CHRD: variants seen among roughly 807,000 people sequenced by gnomAD.
CHRD encodes the protein chordin.
Under a neutral mutation model 113.7 loss-of-function variants are expected in CHRD, and 69 were observed. The ratio of observed to expected loss-of-function variants is 0.61; its 90% CI spans 0.50 to 0.74. The LOEUF (loss-of-function observed/expected upper bound fraction) is 0.74, where lower values mean the gene tolerates loss of function less well. Ranked by LOEUF, CHRD falls within the 30% of genes least tolerant of loss-of-function variation. The probability of loss-of-function intolerance (pLI) is 0.00; values close to 1 mark genes in which losing one functional copy is unlikely to be tolerated. For missense variants in CHRD, 1,194 were observed against 1,295.8 expected, an observed-to-expected ratio of 0.92 and a Z score of 1.21; for synonymous variants, 561 against 540.8, an observed-to-expected ratio of 1.04 and a Z score of -0.52.
In CHRD at chr3:184,382,848, C is replaced by G; in HGVS notation, c.983-8C>G. The G allele has an allele frequency of 6.2e-7, 1 of 1,612,580 alleles. No homozygotes were observed. The highest frequency in any genetic ancestry group is 8.5e-7 in the Non-Finnish European group (1 of 1,178,982). ...GTCTCAGAAAGGCCCACATGTGCGG[C>G]CTTGCAGGACTAACCCAGGTTCCCT... On this transcript the variant is annotated splice_polypyrimidine_tract_variant and splice_region_variant and intron_variant, in intron 8 of 22. Transcript: ENST00000204604.
In CHRD at chr3:184,388,528, A is replaced by G; in HGVS notation, c.2555-59A>G. ...GCAACGTGCTGGGTATTCAAAGAGA[A>G]TACTCATAAAACCTTGTTGGTCCTC... On this transcript the variant is annotated intron_variant, in intron 20 of 22. Coordinates refer to ENST00000204604, the Ensembl canonical transcript of CHRD. This position sits in a 1 kb window ranked among gnomAD's most constrained non-coding sequence, Gnocchi z 6.1. 1.3e-6 allele frequency: 2 copies of G among 1,547,542 alleles called. No individual in the cohort carries two copies. The highest frequency in any genetic ancestry group is 1.7e-6 in the Non-Finnish European group (2 of 1,152,216).
chr3:184,388,635 G>T lies in CHRD; in HGVS notation c.2603G>T (p.Gly868Val). The T allele has an allele frequency of 1.2e-6, 2 of 1,613,394 alleles. No individual in the cohort carries two copies. The highest frequency in any genetic ancestry group is 1.7e-6 in the Non-Finnish European group (2 of 1,180,024). ...CTGGGGGACCCCATGCAGGCTGATG[G>T]GCCCCGGGGCTGCCGTTTTGCTGGG... The change falls in exon 21 of 23, where the codon GGG becomes GTG. Residue 868 changes from glycine (G) to valine (V), a missense_variant. Physicochemically the swap from Gly to Val is moderately radical, Grantham distance 109 (BLOSUM62 -3). Transcript: ENST00000204604. This position sits in a 1 kb window ranked among gnomAD's most constrained non-coding sequence, Gnocchi z 6.1.
chr3:184,386,681 G>T lies in CHRD; in HGVS notation c.2122G>T (p.Glu708Ter). ...CCGAGACCCCAACACATGCTTCTTC[G>T]AGGGGCAGCAGCGCCCCCACGGGGC... The change falls in exon 16 of 23, where the codon GAG becomes TAG. Residue 708 changes from glutamate (E) to a stop codon, truncating the protein, a stop_gained. Coordinates refer to ENST00000204604, the Ensembl canonical transcript of CHRD. LOFTEE classifies it high-confidence loss of function. 2 of 1,612,448 alleles carry T rather than the reference G, an allele frequency of 1.2e-6. No individual in the cohort carries two copies. Among genetic ancestry groups the T allele is most frequent in the Non-Finnish European group, 1.7e-6 (2 of 1,179,796 alleles).
chr3:184,382,821 C>T (rs1021021122), intron 8 of CHRD, 35 bp from the exon 9 acceptor site: 1 of 1,612,490 alleles, frequency 6.2e-7, no homozygotes, highest in Middle Eastern at 1.7e-4. Context: ...GGGAGAGCAC[C>T]TGTCTCAGAA....
At position 184,387,456 on chromosome 3, in the gene CHRD, G is replaced by A. The variant is rs1716510614; in HGVS notation, c.2430G>A (p.Lys810=). ...TTGTGCCCCCCTTTGGCTTAATTAA[G>A]TGTGCTGTCTGCACCTGCAAGGTAT... Residue 810 remains lysine (K), a synonymous_variant, in exon 19 of 23, where the codon AAG becomes AAA. Coordinates refer to ENST00000204604, the Ensembl canonical transcript of CHRD. This position sits in a 1 kb window ranked among gnomAD's most constrained non-coding sequence, Gnocchi z 6.1. 1 of 1,611,960 alleles carries A rather than the reference G, an allele frequency of 6.2e-7. No individual in the cohort carries two copies. Among genetic ancestry groups the A allele is most frequent in the Admixed American group, 1.7e-5 (1 of 59,664 alleles).
chr3:184,389,580 C>T, exon 23 of CHRD: 1 of 656,124 alleles, frequency 1.5e-6, no homozygotes, highest in South Asian at 1.9e-5. Context: ...AACCACAGCT[C>T]CACAAGGGGG....
In CHRD at chr3:184,384,609, G is replaced by T; in HGVS notation, c.1513G>T (p.Val505Leu). Reference sequence around the variant, plus strand: ...GCTGCAGAATGAGCTCTTCCTGAACGTGGGCACCAAGGACTTCCCAGACGG... The same window carrying T: ...GCTGCAGAATGAGCTCTTCCTGAACTTGGGCACCAAGGACTTCCCAGACGG... Residue 505 changes from valine to leucine, a missense_variant, in exon 13 of 23, where the codon GTG becomes TTG. Val to Leu is a conservative substitution (Grantham distance 32). Coordinates refer to ENST00000204604, the Ensembl canonical transcript of CHRD. This position sits in a 1 kb window ranked among gnomAD's most constrained non-coding sequence, Gnocchi z 4.4. The T allele has an allele frequency of 6.2e-7, 1 of 1,609,738 alleles. No homozygotes were observed.
chr3:184,390,596 C>G (rs966934657), downstream of CHRD: 1 of 152,064 alleles, frequency 6.6e-6, no homozygotes, highest in Non-Finnish European at 1.5e-5. Context: ...TGCCCTGTTA[C>G]CCTCTTCTCT....
Position 184,388,951 on chromosome 3 carries a change from G to A in CHRD, c.2768G>A (p.Gly923Glu), listed in dbSNP as rs753420285. 6.2e-7 allele frequency: 1 copy of A among 1,612,918 alleles called. No homozygotes were observed. The highest frequency in any genetic ancestry group is 1.7e-5 in the Admixed American group (1 of 60,020). Reference sequence around the variant, plus strand: ...TCACTGCCACTGTCCTGTGGCTCGGGGAAGGAGAGTCGATGCTGTTCCCGC... The same window carrying A: ...TCACTGCCACTGTCCTGTGGCTCGGAGAAGGAGAGTCGATGCTGTTCCCGC... The change falls in exon 22 of 23, where the codon GGG becomes GAG. Residue 923 changes from glycine to glutamate, a missense_variant. Gly to Glu is a moderately conservative substitution (Grantham distance 98). Coordinates refer to ENST00000204604, the Ensembl canonical transcript of CHRD. The surrounding 1 kb of genome is among the most constrained non-coding windows in gnomAD (Gnocchi z 6.1).
chr3:184,390,217 C>T (rs1357880780), downstream of CHRD: 1 of 105,734 alleles, frequency 9.5e-6, no homozygotes, highest in Non-Finnish European at 1.9e-5. Context: ...CCCTCCCCTC[C>T]CCTCCCCTCC....
exon 11 of CHRD, chr3:184,383,393 T>C: frequency 6.2e-7 from 1 of 1,613,886 alleles, no homozygotes; most frequent in Non-Finnish European, 8.5e-7. Context: ...CTCACGCTGC[T>C]AGGAAATGGC....
Position 184,388,697 on chromosome 3 carries a change from G to T in CHRD, c.2665G>T (p.Val889Leu). Residue 889 changes from valine (V) to leucine (L), a missense_variant, in exon 21 of 23, where the codon GTG becomes TTG. Physicochemically the swap from Val to Leu is conservative, Grantham distance 32 (BLOSUM62 1). Coordinates refer to ENST00000204604, the Ensembl canonical transcript of CHRD. The surrounding 1 kb of genome is among the most constrained non-coding windows in gnomAD (Gnocchi z 6.1). ...AGAGAGTCAGAGCTGGCACCCCTCA[G>T]TGCCCCCTTTTGGAGAGATGAGCTG... 1 of 1,614,054 alleles carries T rather than the reference G, an allele frequency of 6.2e-7. No individual in the cohort carries two copies. Among genetic ancestry groups the T allele is most frequent in the Non-Finnish European group, 8.5e-7 (1 of 1,180,030 alleles).
chr3:184,380,731 C>G lies in CHRD; in HGVS notation c.188C>G (p.Thr63Arg), dbSNP rs769465205. ...GGGAAGGTCTATGCCTTGGACGAGA[C>G]GTGGCACCCGGACCTAGGGGAGCCA... Residue 63 changes from threonine to arginine, a missense_variant, in exon 2 of 23, where the codon ACG becomes AGG. Physicochemically the swap from Thr to Arg is moderately conservative, Grantham distance 71 (BLOSUM62 -1). Coordinates refer to ENST00000204604, the Ensembl canonical transcript of CHRD. The surrounding 1 kb of genome is among the most constrained non-coding windows in gnomAD (Gnocchi z 6.3). The G allele has an allele frequency of 1.3e-6, 2 of 1,599,396 alleles. No homozygotes were observed. The highest frequency in any genetic ancestry group is 3.4e-5 in the Admixed American group (2 of 59,234).
Position 184,386,954 on chromosome 3 carries a change from G to T in CHRD, c.2290+16G>T. On this transcript the variant is annotated intron_variant, in intron 17 of 22. Transcript: ENST00000204604. Reference sequence around the variant, plus strand: ...GTTTGCCCTGGTGAGTTCCCCGCAGGGGAGTGGAGGGAGGAGTTGGCCCAG... The same window carrying T: ...GTTTGCCCTGGTGAGTTCCCCGCAGTGGAGTGGAGGGAGGAGTTGGCCCAG... 6.2e-7 allele frequency: 1 copy of T among 1,614,236 alleles called. No homozygotes were observed. The highest frequency in any genetic ancestry group is 8.5e-7 in the Non-Finnish European group (1 of 1,180,028).
In CHRD at chr3:184,385,247, G is replaced by A. The variant is rs780883384; in HGVS notation, c.1818+9G>A. ...GATTCTATGGCTCAGAGGTAAGGATGTGATGGTAGGCGGCAGCTTGGAACA... is the reference window on the plus strand; with the variant it reads ...GATTCTATGGCTCAGAGGTAAGGATATGATGGTAGGCGGCAGCTTGGAACA... On this transcript the variant is annotated intron_variant, in intron 14 of 22. Coordinates refer to ENST00000204604, the Ensembl canonical transcript of CHRD. The A allele has an allele frequency of 2.8e-5, 45 of 1,601,240 alleles. No individual in the cohort carries two copies. Among genetic ancestry groups the A allele is most frequent in the Non-Finnish European group, 3.6e-5 (42 of 1,169,378 alleles).
chr3:184,382,693 A>G lies in CHRD; in HGVS notation c.901A>G (p.Thr301Ala), dbSNP rs1234182174. 3.7e-6 allele frequency: 6 copies of G among 1,613,346 alleles called. No individual in the cohort carries two copies. Among genetic ancestry groups the G allele is most frequent in the Non-Finnish European group, 5.1e-6 (6 of 1,179,830 alleles). ...CCCACAGCAGGGCGTAGGGGGCATC[A>G]CCCTGCTCACTCTCAGTGACACAGA... The change falls in exon 8 of 23, where the codon ACC becomes GCC. Residue 301 changes from threonine to alanine, a missense_variant. Transcript: ENST00000204604.
Position 184,387,819 on chromosome 3 carries a change from C to T in CHRD, c.2452-112C>T. On this transcript the variant is annotated intron_variant, in intron 19 of 22. Coordinates refer to ENST00000204604, the Ensembl canonical transcript of CHRD. The surrounding 1 kb of genome is among the most constrained non-coding windows in gnomAD (Gnocchi z 6.1). ...AGGTCTATAAAGCCAGTCCGGGCCT[C>T]TGAGTAAAAGGCCACAGAGAGACTG... The T allele has an allele frequency of 1.0e-6, 1 of 997,456 alleles. No individual in the cohort carries two copies. The highest frequency in any genetic ancestry group is 2.6e-5 in the East Asian group (1 of 38,224). The allele number at this position is 997,456 out of a possible 1,614,324, so 61.8% of individuals were successfully genotyped here.
chr3:184,384,857 C>A lies in CHRD; in HGVS notation c.1598-161C>A. 1.7e-6 allele frequency: 2 copies of A among 1,209,384 alleles called. No individual in the cohort carries two copies. The highest frequency in any genetic ancestry group is 2.4e-5 in the East Asian group (1 of 42,352). 74.9% of individuals were successfully genotyped at this position (1,209,384 alleles called of 1,614,324 possible). A position where few individuals can be genotyped will look rare whatever the true frequency, so the allele number is the denominator to read the frequency against. ...CCCTGCTGGCGGACTCTTCCTGTTG[C>A]TGAGGTTCAAGGGTCTAAAACTTGC... On this transcript the variant is annotated intron_variant, in intron 13 of 22. Transcript: ENST00000204604. The surrounding 1 kb of genome is among the most constrained non-coding windows in gnomAD (Gnocchi z 4.4).
chr3:184,386,419 T>C, intron 15 of CHRD, 73 bp from the exon 16 acceptor site: 2 of 1,516,956 alleles, frequency 1.3e-6, no homozygotes, highest in South Asian at 1.3e-5. Flanking sequence ...TGTCTCCTGC[T>C]GGCTGGCCAG....
Sources: allele counts gnomAD v4.1 joint callset, GRCh38; gene constraint gnomAD v4.1.1; non-coding constraint Gnocchi (gnomAD v3.1); transcripts MANE v1.5; gene names NCBI Gene and HGNC (gene_info 2026-07-23, HGNC 2026-07-21).